Variants in MBOAT1 observed in about 807,000 individuals in gnomAD.
The protein encoded by MBOAT1 is membrane bound glycerophospholipid O-acyltransferase 1, also known as membrane-bound glycerophospholipid O-acyltransferase 1.
A neutral mutation model predicts 64.4 loss-of-function variants in MBOAT1; 67 were observed. The observed-to-expected ratio is 1.04, with a 90% CI of 0.85 to 1.27. The LOEUF (loss-of-function observed/expected upper bound fraction) is 1.27, where lower values mean the gene tolerates loss of function less well. Among genes scored for constraint, MBOAT1 ranks in the 50% most tolerant of loss-of-function variants. The pLI is 0.00. For synonymous variants in MBOAT1, 229 were observed against 218.9 expected (o/e 1.05, Z -0.41); for missense variants, 563 against 604.6 (o/e 0.93, Z 0.72).
chr6:20,103,838 G>A (rs1475357366), intron 12 of MBOAT1, among the ~76,000 whole-genome samples: 1 of 152,150 alleles, frequency 6.6e-6, no homozygotes, highest in Non-Finnish European at 1.5e-5. Flanking sequence ...TTATTATTGA[G>A]GAAAAGTTTT....
At chr6:20,208,067 A>G (rs1002510075) in intron 1 of MBOAT1, among the ~76,000 whole-genome samples, 1 of 152,200 alleles carries the variant, frequency 6.6e-6, no homozygotes, top group Non-Finnish European at 1.5e-5. Flanking sequence ...GAAGGACAAG[A>G]CTTAGATAAG....
At position 20,143,755 on chromosome 6, in the gene MBOAT1, T is replaced by A. The variant is rs964469824; in HGVS notation, c.419+465A>T. On this transcript the variant is annotated intron_variant, in intron 4 of 12. Transcript: ENST00000324607. ...CTGCACATGTACCCCTAAATTTTTT[T>A]AAAAAGTTTAAAAAAAGAGAGATGA... Among the ~76,000 whole-genome samples, 14 of 152,142 alleles carry A rather than the reference T, an allele frequency of 9.2e-5. No homozygotes were observed. The East Asian group carries it at 1.4e-3, about 15-fold the overall frequency.
intron 8 of MBOAT1, among the ~76,000 whole-genome samples, chr6:20,119,086 G>A (rs543533398): frequency 1.1e-4 from 17 of 152,244 alleles, no homozygotes; most frequent in African/African-American, 3.6e-4. Flanking sequence ...ATGACCCGCC[G>A]GTAGTGTATC....
In MBOAT1 at chr6:20,117,924, C is replaced by G. The variant is rs555675670; in HGVS notation, c.1011+513G>C. On this transcript the variant is annotated intron_variant, in intron 9 of 12. Coordinates refer to ENST00000324607, the MANE Select transcript of MBOAT1 (RefSeq NM_001080480.3). Reference sequence around the variant, plus strand: ...TGAGAGCAGACCAAAAATTGTGGTGCAAGAATGAAGACAGAGAGAAAAACC... The same window carrying G: ...TGAGAGCAGACCAAAAATTGTGGTGGAAGAATGAAGACAGAGAGAAAAACC... Among the ~76,000 whole-genome samples, 5 of 152,220 alleles carry G rather than the reference C, an allele frequency of 3.3e-5. No individual in the cohort carries two copies. In the East Asian group the frequency reaches 9.7e-4, roughly 29 times the overall value.
chr6:20,182,430 T>G (rs1762537694), intron 1 of MBOAT1, among the ~76,000 whole-genome samples: 1 of 152,264 alleles, frequency 6.6e-6, no homozygotes, highest in South Asian at 2.1e-4. Flanking sequence ...ACACAAACAT[T>G]CAGACCACAG....
intron 11 of MBOAT1, 93 bp from the exon 12 acceptor site, chr6:20,109,842 A>G: frequency 7.8e-7 from 1 of 1,283,174 alleles, no homozygotes; most frequent in Non-Finnish European, 1.1e-6. Context: ...CCACAGGAAC[A>G]TGGGCTACAG....
intron 1 of MBOAT1, among the ~76,000 whole-genome samples, chr6:20,175,540 G>A (rs924111318): frequency 1.3e-5 from 2 of 152,050 alleles, no homozygotes; most frequent in Non-Finnish European, 2.9e-5. Flanking sequence ...TCTGCCTCCT[G>A]GGTTCAAGCG....
rs556128869 is a variant in MBOAT1 at position 20,191,708 on chromosome 6, G to C, written c.99+20428C>G. On this transcript the variant is annotated intron_variant, in intron 1 of 12. Coordinates refer to ENST00000324607, the MANE Select transcript of MBOAT1 (RefSeq NM_001080480.3). ...ACAAGCCCAACAGGGCAATTGCAGA[G>C]ATGAGATGACCCATGTATTTAGCTC... 3.9e-5 allele frequency among the ~76,000 whole-genome samples: 6 copies of C among 152,326 alleles called. 1 individual carries two copies. The South Asian group carries it at 1.2e-3, about 32-fold the overall frequency.
intron 8 of MBOAT1, among the ~76,000 whole-genome samples, chr6:20,119,343 A>G (rs1760425338): frequency 6.6e-6 from 1 of 152,092 alleles, no homozygotes; most frequent in Non-Finnish European, 1.5e-5. Flanking sequence ...AACTCAACTC[A>G]CTTTTTTTAT....
intron 4 of MBOAT1, among the ~76,000 whole-genome samples, chr6:20,132,267 C>T (rs1581411600): frequency 6.6e-6 from 1 of 152,158 alleles, no homozygotes; most frequent in Admixed American, 6.5e-5. Flanking sequence ...CAATCCAGTG[C>T]CCTGATTCCA....
chr6:20,137,717 A>AACAC (rs35794753), intron 4 of MBOAT1, among the ~76,000 whole-genome samples: 40 of 150,072 alleles, frequency 2.7e-4, no homozygotes, highest in African/African-American at 8.3e-4. Context: ...CCCAAAATTA[A>AACAC]ACACACACAC....
chr6:20,101,912 G>A lies in MBOAT1; in HGVS notation c.*374C>T, dbSNP rs1759801031. 6.6e-6 allele frequency among the ~76,000 whole-genome samples: 1 copy of A among 151,522 alleles called. No homozygotes were observed. The highest frequency in any genetic ancestry group is 1.5e-5 in the Non-Finnish European group (1 of 67,910). ...GGGCGGATCACGAGGTCAGGAGATC[G>A]AGACCATCCCGGCTAAAACGGTGAA... On this transcript the variant is annotated 3_prime_UTR_variant, in exon 13 of 13. Coordinates refer to ENST00000324607, the MANE Select transcript of MBOAT1 (RefSeq NM_001080480.3).
At chr6:20,157,434 G>A (rs981665953) in intron 1 of MBOAT1, among the ~76,000 whole-genome samples, 2 of 152,184 alleles carry the variant, frequency 1.3e-5, no homozygotes, top group Admixed American at 6.5e-5. Flanking sequence ...CAAAAATAAC[G>A]TGTAAAATGG....
intron 1 of MBOAT1, among the ~76,000 whole-genome samples, chr6:20,179,086 C>A (rs748346876): frequency 6.6e-6 from 1 of 151,818 alleles, no homozygotes; most frequent in East Asian, 1.9e-4. Flanking sequence ...TCCTGATGCT[C>A]TCCCTCTCCC....
chr6:20,196,284 A>G, intron 1 of MBOAT1, among the ~76,000 whole-genome samples: 1 of 152,260 alleles, frequency 6.6e-6, no homozygotes, highest in Admixed American at 6.5e-5. Flanking sequence ...AATGCACAAC[A>G]GAACATAAGC....
At chr6:20,179,196 C>T (rs759924427) in intron 1 of MBOAT1, among the ~76,000 whole-genome samples, 3 of 148,952 alleles carry the variant, frequency 2.0e-5, no homozygotes, top group Non-Finnish European at 3.0e-5. Context: ...ACTGAGAAAA[C>T]TCACACAAAG....
intron 11 of MBOAT1, among the ~76,000 whole-genome samples, chr6:20,111,480 T>A (rs926866711): frequency 1.3e-5 from 2 of 152,096 alleles, no homozygotes; most frequent in African/African-American, 4.8e-5. Flanking sequence ...CTCCTCTCTA[T>A]CCGCTACCTA....
chr6:20,166,382 C>T (rs898369740), intron 1 of MBOAT1, among the ~76,000 whole-genome samples: 6 of 152,134 alleles, frequency 3.9e-5, no homozygotes, highest in East Asian at 1.9e-4. Flanking sequence ...CCTTTTTCTC[C>T]GCCCTAACTC....
At chr6:20,150,304 T>C (rs949110466) in intron 3 of MBOAT1, among the ~76,000 whole-genome samples, 6 of 152,094 alleles carry the variant, frequency 3.9e-5, no homozygotes, top group Admixed American at 2.0e-4. Flanking sequence ...TTGATATATA[T>C]AGATACCCAG....
Sources: allele counts gnomAD v4.1 joint callset (sites outside exome capture counted in the v4.1 genomes callset), GRCh38; gene constraint gnomAD v4.1.1; transcripts MANE v1.5; gene names NCBI Gene and HGNC (gene_info 2026-07-23, HGNC 2026-07-21).